AGBL4: variants seen among roughly 807,000 people sequenced by gnomAD.
The protein encoded by AGBL4 is AGBL carboxypeptidase 4.
Under a neutral mutation model 66.4 loss-of-function variants are expected in AGBL4, and 58 were observed. That is an observed-to-expected ratio of 0.87 (90% CI 0.71 to 1.09). AGBL4 has a LOEUF of 1.09. Ranked by LOEUF, AGBL4 falls within the 50% of genes least tolerant of loss-of-function variation. The pLI is 0.00. For missense variants in AGBL4, 579 were observed against 631.0 expected (o/e 0.92, Z 0.88); for synonymous variants, 234 against 222.9 (o/e 1.05, Z -0.44).
At chr1:48,910,153 CAAG>C (rs1652962855) in intron 5 of AGBL4, among the ~76,000 whole-genome samples, 1 of 152,164 alleles carries the variant, frequency 6.6e-6, no homozygotes, top group Admixed American at 6.5e-5. Context: ...TGACACATAC[CAAG>C]AAGACTTTAG....
downstream of AGBL4, among the ~76,000 whole-genome samples, chr1:48,528,217 A>G (rs1643889445): frequency 6.6e-6 from 1 of 152,174 alleles, no homozygotes; most frequent in Non-Finnish European, 1.5e-5. Flanking sequence ...TACTACCTGA[A>G]GGCAGACACA....
Position 49,572,881 on chromosome 1 carries a change from C to T in AGBL4, c.282+124432G>A, listed in dbSNP as rs530635001. On this transcript the variant is annotated intron_variant, in intron 3 of 13. Coordinates refer to ENST00000371839, the MANE Select transcript of AGBL4 (RefSeq NM_032785.4). ...AGACCCATCCTTAATTGGGTGGGAA[C>T]CATCTAATCAGCTGCCAGTAAACAT... Among the ~76,000 whole-genome samples, 272 of 152,132 alleles carry T rather than the reference C, an allele frequency of 1.8e-3. 1 individual carries two copies. Among genetic ancestry groups the T allele is most frequent in the Non-Finnish European group, 2.9e-3 (199 of 68,002 alleles).
intron 5 of AGBL4, among the ~76,000 whole-genome samples, chr1:48,978,811 C>T (rs1324437017): frequency 6.6e-6 from 1 of 152,092 alleles, no homozygotes; most frequent in Non-Finnish European, 1.5e-5. Flanking sequence ...CAAGGTCACT[C>T]GACAAGGCAA....
intron 3 of AGBL4, among the ~76,000 whole-genome samples, chr1:49,422,660 C>G (rs775711821): frequency 2.0e-5 from 3 of 152,156 alleles, no homozygotes; most frequent in Non-Finnish European, 4.4e-5. Flanking sequence ...CTTACTTTTG[C>G]TGGTGTCATC....
chr1:48,727,649 G>T (rs1647383256), intron 6 of AGBL4: 1 of 309,232 alleles, frequency 3.2e-6, no homozygotes, highest in African/African-American at 2.1e-5. Context: ...CCCCCTCCAA[G>T]AAGAGTGTTT....
chr1:49,304,608 G>A (rs1235541142), intron 3 of AGBL4, among the ~76,000 whole-genome samples: 1 of 152,122 alleles, frequency 6.6e-6, no homozygotes, highest in Non-Finnish European at 1.5e-5. Flanking sequence ...GTAGGTGGAT[G>A]GGACTTGTAA....
At chr1:49,626,399 G>A (rs745702928) in intron 3 of AGBL4, among the ~76,000 whole-genome samples, 33 of 152,232 alleles carry the variant, frequency 2.2e-4, no homozygotes, top group Admixed American at 1.1e-3. Flanking sequence ...TACCTGTAAA[G>A]CAGGCATTAC....
chr1:49,820,592 T>C (rs1645345140), intron 2 of AGBL4, among the ~76,000 whole-genome samples: 1 of 152,118 alleles, frequency 6.6e-6, no homozygotes, highest in African/African-American at 2.4e-5. Flanking sequence ...TACACAGGGA[T>C]TGAGCCAAAG....
At chr1:49,273,415 T>G (rs929412739) in intron 3 of AGBL4, among the ~76,000 whole-genome samples, 2 of 151,084 alleles carry the variant, frequency 1.3e-5, no homozygotes, top group Non-Finnish European at 1.5e-5. Flanking sequence ...AAAAATAATT[T>G]TGTCTAGTTT....
chr1:49,571,786 T>G (rs888046635), intron 3 of AGBL4, among the ~76,000 whole-genome samples: 8 of 152,160 alleles, frequency 5.3e-5, no homozygotes, highest in Non-Finnish European at 1.0e-4. Context: ...CATGAAGCAT[T>G]GCTGAATTTA....
chr1:48,948,421 T>C (rs1159842439), intron 5 of AGBL4, among the ~76,000 whole-genome samples: 1 of 152,222 alleles, frequency 6.6e-6, no homozygotes, highest in Non-Finnish European at 1.5e-5. Context: ...TAGATGGTTT[T>C]GCCGCCTTTC....
chr1:48,602,931 T>G (rs897194416), intron 9 of AGBL4, among the ~76,000 whole-genome samples: 1 of 152,214 alleles, frequency 6.6e-6, no homozygotes, highest in Non-Finnish European at 1.5e-5. Context: ...AATGTACATA[T>G]GCCTTTCAGG....
At chr1:49,577,298 G>T (rs1644456113) in intron 3 of AGBL4, among the ~76,000 whole-genome samples, 1 of 152,172 alleles carries the variant, frequency 6.6e-6, no homozygotes, top group South Asian at 2.1e-4. Context: ...ATCGCCCAAT[G>T]GGCCCATGAA....
At chr1:48,995,309 T>C (rs904626383) in intron 5 of AGBL4, among the ~76,000 whole-genome samples, 5 of 152,230 alleles carry the variant, frequency 3.3e-5, no homozygotes, top group African/African-American at 1.2e-4. Flanking sequence ...GCACAAATTA[T>C]ACTGTGTGGT....
At chr1:49,650,687 A>T (rs1480559718) in intron 3 of AGBL4, among the ~76,000 whole-genome samples, 1 of 152,180 alleles carries the variant, frequency 6.6e-6, no homozygotes, top group Non-Finnish European at 1.5e-5. Context: ...GACCTTGGAA[A>T]ATTGCAGGAT....
At chr1:48,770,107 C>T (rs1448944185) in intron 6 of AGBL4, among the ~76,000 whole-genome samples, 1 of 152,186 alleles carries the variant, frequency 6.6e-6, no homozygotes, top group African/African-American at 2.4e-5. Context: ...TGTTATATTG[C>T]TCCCACCAAT....
intron 8 of AGBL4, among the ~76,000 whole-genome samples, chr1:48,637,502 G>C (rs1044025702): frequency 6.6e-6 from 1 of 152,170 alleles, no homozygotes; most frequent in Non-Finnish European, 1.5e-5. Flanking sequence ...AGCCAGATGA[G>C]CCAGATTCTA....
chr1:49,380,436 T>C (rs1252033351), intron 3 of AGBL4, among the ~76,000 whole-genome samples: 1 of 152,110 alleles, frequency 6.6e-6, no homozygotes, highest in African/African-American at 2.4e-5. Flanking sequence ...AATTTATAGA[T>C]TCAATGCCAT....
Position 49,279,396 on chromosome 1 carries a change from A to G in AGBL4, c.283-33532T>C, listed in dbSNP as rs752264600. Among the ~76,000 whole-genome samples the G allele has an allele frequency of 4.3e-4, 66 of 152,218 alleles. 1 individual carries two copies. The highest frequency in any genetic ancestry group is 8.8e-4 in the Non-Finnish European group (60 of 68,034). ...ATCTGTTGAAAAATGAGAAAAATCA[A>G]TTAGAAAAAGGTTGACTTGTACTAA... On this transcript the variant is annotated intron_variant, in intron 3 of 13. Coordinates refer to ENST00000371839, the MANE Select transcript of AGBL4 (RefSeq NM_032785.4).
Sources: gnomAD v4.1 joint callset for allele counts (sites outside exome capture counted in the v4.1 genomes callset) on GRCh38, gnomAD v4.1.1 for gene constraint, MANE v1.5 for transcripts, NCBI Gene and HGNC (gene_info 2026-07-23, HGNC 2026-07-21) for gene names.